UNC80: variants seen among roughly 807,000 people sequenced by gnomAD.
The protein encoded by UNC80 is unc-80 subunit of NALCN channel complex.
A neutral mutation model predicts 384.6 loss-of-function variants in UNC80; 164 were observed. The observed-to-expected ratio is 0.43, with a 90% confidence interval of 0.38 to 0.49. The LOEUF is 0.49. Ranked by LOEUF, UNC80 falls within the 20% of genes least tolerant of loss-of-function variation. UNC80 has a pLI of 0.00. For synonymous variants in UNC80, 1,486 were observed against 1,527.8 expected, an observed-to-expected ratio of 0.97 and a Z score of 0.64; for missense variants, 3,330 against 4,143.0, an observed-to-expected ratio of 0.80 and a Z score of 5.39.
intron 23 of UNC80, among the ~76,000 whole-genome samples, chr2:209,874,768 G>C (rs989203655): frequency 2.6e-5 from 4 of 152,112 alleles, no homozygotes; most frequent in Non-Finnish European, 5.9e-5. Context: ...AACCATAGCA[G>C]TTTTCAGATC....
At chr2:209,877,767 T>TA (rs1395708451) in intron 23 of UNC80, among the ~76,000 whole-genome samples, 187 bp from the exon 24 acceptor site, 2 of 152,218 alleles carry the variant, frequency 1.3e-5, no homozygotes, top group African/African-American at 4.8e-5. Context: ...ACCTTGGGGA[T>TA]AGCTGTTTCT....
intron 24 of UNC80, 39 bp downstream of exon 24, chr2:209,878,128 A>G: frequency 6.7e-7 from 1 of 1,487,190 alleles, no homozygotes; most frequent in Non-Finnish European, 8.9e-7. Flanking sequence ...CCCTGCTTGT[A>G]AGAACCTCTG....
rs531699336 is a variant in UNC80, at chr2:209,807,409, G to A, written c.939-6171G>A. ...AGACGGAGTCTTGCTGTGTCGCCCA[G>A]GCTGGAGTGCAGTGGTGCTGTCTCG... is the stretch of plus-strand genomic sequence containing the variant. On this transcript the variant is annotated intron_variant, in intron 7 of 64. Coordinates refer to ENST00000673920, the MANE Select transcript of UNC80 (RefSeq NM_001371986.1). Among the ~76,000 whole-genome samples, 15 of 146,808 alleles carry A rather than the reference G, an allele frequency of 1.0e-4. No individual in the cohort carries two copies. In the South Asian group the frequency reaches 3.3e-3, roughly 32 times the overall value.
intron 23 of UNC80, among the ~76,000 whole-genome samples, chr2:209,873,994 T>C (rs1465037947): frequency 2.6e-5 from 4 of 152,102 alleles, no homozygotes; most frequent in African/African-American, 9.7e-5. Flanking sequence ...TGTGTGTGTG[T>C]GTGTATGATA....
chr2:209,787,176 A>G (rs1473258046), intron 5 of UNC80, among the ~76,000 whole-genome samples: 3 of 152,178 alleles, frequency 2.0e-5, no homozygotes, highest in African/African-American at 4.8e-5. Flanking sequence ...CTTAGACAGC[A>G]TGGCCAGAAG....
intron 22 of UNC80, among the ~76,000 whole-genome samples, chr2:209,852,581 G>A (rs2082607628): frequency 6.6e-6 from 1 of 152,114 alleles, no homozygotes; most frequent in Non-Finnish European, 1.5e-5. Flanking sequence ...GGAAAGTGAA[G>A]GAACTAAAGG....
intron 51 of UNC80, chr2:209,961,209 G>T (rs1024788272): frequency 1.3e-5 from 2 of 152,008 alleles, no homozygotes; most frequent in Non-Finnish European, 2.9e-5. Flanking sequence ...GAGGCCTGGC[G>T]CTCCCTCTAG....
chr2:209,868,227 C>T (rs1190425124), intron 22 of UNC80, among the ~76,000 whole-genome samples: 6 of 152,180 alleles, frequency 3.9e-5, no homozygotes, highest in African/African-American at 1.4e-4. Flanking sequence ...CAAATAACTG[C>T]TTATTTCCAT....
intron 45 of UNC80, among the ~76,000 whole-genome samples, chr2:209,944,347 A>G (rs1415942812): frequency 1.3e-5 from 2 of 152,122 alleles, no homozygotes; most frequent in Non-Finnish European, 2.9e-5. Flanking sequence ...ACCATATCAC[A>G]TGTTATATCT....
In UNC80 at chr2:209,817,912, G is replaced by T; in HGVS notation, c.1653G>T (p.Pro551=). ...ATCACACCCTGGTAAGCGACCTGCC[G>T]GACCCCTCCAACAGCCATGGAGAAA... The part of the protein sequence containing the change: ...HSHHTLVSDL[P]DPSNSHGENT... Residue 551 remains proline, a synonymous_variant, in exon 11 of 65, where the codon CCG becomes CCT. Coordinates refer to ENST00000673920, the MANE Select transcript of UNC80 (RefSeq NM_001371986.1). The T allele has an allele frequency of 6.4e-7, 1 of 1,551,594 alleles. No individual in the cohort carries two copies. The highest frequency in any genetic ancestry group is 8.7e-7 in the Non-Finnish European group (1 of 1,146,974).
chr2:209,915,888 T>G (rs2089480651), intron 31 of UNC80, among the ~76,000 whole-genome samples: 1 of 152,174 alleles, frequency 6.6e-6, no homozygotes, highest in Non-Finnish European at 1.5e-5. Flanking sequence ...TTGAAATGTT[T>G]CCAACACATG....
intron 22 of UNC80, among the ~76,000 whole-genome samples, chr2:209,855,306 TA>T (rs1574755942): frequency 6.6e-6 from 1 of 151,686 alleles, no homozygotes; most frequent in Non-Finnish European, 1.5e-5. Flanking sequence ...TCAGCAGGGT[TA>T]GGGGGGCAGG....
intron 14 of UNC80, among the ~76,000 whole-genome samples, chr2:209,827,952 T>G (rs2080665421): frequency 6.6e-6 from 1 of 152,188 alleles, no homozygotes; most frequent in South Asian, 2.1e-4. Context: ...TCTTAAAAGT[T>G]TTATATCTTT....
Position 209,984,893 on chromosome 2 carries a change from G to A in UNC80, c.9295G>A (p.Ala3099Thr), listed in dbSNP as rs1464411442. 4.5e-6 allele frequency: 7 copies of A among 1,550,004 alleles called. No individual in the cohort carries two copies. In the South Asian group the frequency reaches 6.0e-5, roughly 13 times the overall value. ...NVLDDSQGLA[A>T]EGSLSRVASI... is the part of the protein sequence containing the mutation. ...CCTCGATGACTCCCAGGGCCTGGCCGCCGAGGGCAGCCTCTCTAGGTACAG... is the reference window on the plus strand; with the variant it reads ...CCTCGATGACTCCCAGGGCCTGGCCACCGAGGGCAGCCTCTCTAGGTACAG... Residue 3099 changes from alanine to threonine, a missense_variant, in exon 61 of 65, where the codon GCC (alanine) becomes ACC (threonine). This residue lies in a region of UNC80 where 216 missense variants were observed against 245.3 expected (regional missense o/e 0.88). Coordinates refer to ENST00000673920, the MANE Select transcript of UNC80 (RefSeq NM_001371986.1).
At chr2:209,971,607 G>A (rs969132756) in intron 54 of UNC80, among the ~76,000 whole-genome samples, 24 of 152,202 alleles carry the variant, frequency 1.6e-4, no homozygotes, top group African/African-American at 3.6e-4. Flanking sequence ...TGACCCATCC[G>A]TCGTTTGACA....
At chr2:209,894,677 C>T (rs143550354) in intron 27 of UNC80, among the ~76,000 whole-genome samples, 72 of 152,188 alleles carry the variant, frequency 4.7e-4, no homozygotes, top group African/African-American at 1.5e-3. Context: ...ATTTCAAGGA[C>T]GACACTTTGA....
chr2:209,890,095 G>A (rs927404660), intron 26 of UNC80, among the ~76,000 whole-genome samples: 1 of 151,996 alleles, frequency 6.6e-6, no homozygotes, highest in South Asian at 2.1e-4. Flanking sequence ...AATCCTATAT[G>A]TATATATATA....
In UNC80 at chr2:209,834,123, A is replaced by C. The variant is rs2081183239; in HGVS notation, c.2897A>C (p.Lys966Thr). Residue 966 changes from lysine (K) to threonine (T), a missense_variant, in exon 17 of 65, where the codon AAG becomes ACG. Lys to Thr is a moderately conservative substitution (Grantham distance 78, BLOSUM62 -1). Around this residue, in one of 8 missense-constraint regions of UNC80, gnomAD observed 801 missense variants for 950.8 expected, o/e 0.84. Coordinates refer to ENST00000673920, the MANE Select transcript of UNC80 (RefSeq NM_001371986.1). Reference protein sequence around the residue: ...DSAEKLAPGKKVEENEQESKP... With the variant: ...DSAEKLAPGKTVEENEQESKP... ...GCCGAGAAGTTAGCACCAGGGAAAAAGGTGGAGGAGAATGAACAGGAATCT... is the reference window on the plus strand; with the variant it reads ...GCCGAGAAGTTAGCACCAGGGAAAACGGTGGAGGAGAATGAACAGGAATCT... 12 of 1,551,584 alleles carry C rather than the reference A, an allele frequency of 7.7e-6. No individual in the cohort carries two copies. Among genetic ancestry groups the C allele is most frequent in the Non-Finnish European group, 1.0e-5 (12 of 1,146,920 alleles).
chr2:209,950,557 T>G (rs1030941607), intron 47 of UNC80, among the ~76,000 whole-genome samples: 10 of 151,638 alleles, frequency 6.6e-5, no homozygotes, highest in African/African-American at 2.4e-4. Context: ...TTTTCTACCT[T>G]TGGCTTTTTT....
Sources: gnomAD v4.1 joint callset for allele counts (sites outside exome capture counted in the v4.1 genomes callset) on GRCh38, gnomAD v4.1.1 for gene constraint, gnomAD v4.1.1 regional missense constraint, MANE v1.5 for transcripts, NCBI Gene and HGNC (gene_info 2026-07-23, HGNC 2026-07-21) for gene names.